Variants in FILIP1 observed in about 807,000 individuals in gnomAD.
FILIP1 encodes filamin-A-interacting protein 1.
FILIP1 carries 61 observed loss-of-function variants against 102.1 expected under a neutral mutation model. That is an observed-to-expected ratio of 0.60 (90% CI 0.49 to 0.74). FILIP1 has a LOEUF of 0.74. Among genes scored for constraint, FILIP1 ranks in the 30% least tolerant of loss-of-function variants. The pLI is 0.00. For synonymous variants in FILIP1, 491 were observed against 526.9 expected (o/e 0.93, Z 0.93); for missense variants, 1,314 against 1,441.2 (o/e 0.91, Z 1.43).
intron 1 of FILIP1, chr6:75,465,471 A>C (rs1779135510): frequency 1.0e-6 from 1 of 971,242 alleles, no homozygotes; most frequent in Non-Finnish European, 1.6e-6. Flanking sequence ...GGCAGAATTC[A>C]TATAGCATCA....
chr6:75,390,032 T>A (rs1292289879), intron 2 of FILIP1, among the ~76,000 whole-genome samples: 1 of 152,030 alleles, frequency 6.6e-6, no homozygotes, highest in African/African-American at 2.4e-5. Context: ...AAAATACAGG[T>A]CCATGGCTCC....
intron 3 of FILIP1, among the ~76,000 whole-genome samples, chr6:75,359,271 G>A (rs958816008): frequency 6.6e-6 from 1 of 152,128 alleles, no homozygotes. Context: ...CTCCCAAAGT[G>A]CTGGGATTAC....
intron 1 of FILIP1, among the ~76,000 whole-genome samples, chr6:75,448,297 A>G (rs1483641289): frequency 2.0e-5 from 3 of 152,162 alleles, no homozygotes; most frequent in Non-Finnish European, 4.4e-5. Flanking sequence ...AACAGCCTCT[A>G]CTAATAGGTG....
intron 6 of FILIP1, chr6:75,296,796 A>G (rs1171400626): frequency 1.3e-5 from 2 of 152,050 alleles, no homozygotes; most frequent in Non-Finnish European, 1.5e-5. Flanking sequence ...TATAAAAATA[A>G]ATTTAAACTA....
At chr6:75,319,397 G>T in intron 4 of FILIP1, 1 of 626,624 alleles carries the variant, frequency 1.6e-6, no homozygotes, top group African/African-American at 1.8e-5. Context: ...TGGAGTCCTT[G>T]AACTTCTTTT....
intron 4 of FILIP1, among the ~76,000 whole-genome samples, chr6:75,339,519 G>A (rs1437046510): frequency 6.6e-6 from 1 of 152,148 alleles, no homozygotes; most frequent in Non-Finnish European, 1.5e-5. Flanking sequence ...AGACTATTAG[G>A]CACAGCTCTT....
At chr6:75,434,160 T>G (rs1281667117) in intron 1 of FILIP1, among the ~76,000 whole-genome samples, 1 of 152,228 alleles carries the variant, frequency 6.6e-6, no homozygotes, top group East Asian at 1.9e-4. Context: ...TAGGATTGTC[T>G]TGGCAATGTG....
chr6:75,318,068 T>C (rs1015669859), intron 4 of FILIP1, among the ~76,000 whole-genome samples: 1 of 152,092 alleles, frequency 6.6e-6, no homozygotes, highest in African/African-American at 2.4e-5. Context: ...GCTTAGTATT[T>C]CCTCCCTGCT....
intron 6 of FILIP1, among the ~76,000 whole-genome samples, chr6:75,297,488 A>C (rs766929463): frequency 2.6e-5 from 4 of 152,132 alleles, no homozygotes; most frequent in Non-Finnish European, 2.9e-5. Flanking sequence ...TATACCTAAG[A>C]ATATTTAGCT....
intron 4 of FILIP1, among the ~76,000 whole-genome samples, chr6:75,347,813 C>T (rs139911451): frequency 1.9e-4 from 29 of 152,178 alleles, no homozygotes; most frequent in African/African-American, 6.5e-4. Flanking sequence ...GGAAGAATAC[C>T]AAAATGGGGC....
At chr6:75,306,809 G>C (rs557516099), downstream of FILIP1, among the ~76,000 whole-genome samples, 3 of 90,304 alleles carry the variant, frequency 3.3e-5, no homozygotes, top group East Asian at 8.4e-4. Flanking sequence ...CTGGAGTGCA[G>C]TGGCATGATC....
intron 1 of FILIP1, among the ~76,000 whole-genome samples, chr6:75,419,401 AT>A (rs1290866063): frequency 6.6e-6 from 1 of 152,036 alleles, no homozygotes; most frequent in Non-Finnish European, 1.5e-5. Context: ...TCCTGGTTTT[AT>A]TTTATCTATA....
At chr6:75,419,985 T>A in intron 1 of FILIP1, among the ~76,000 whole-genome samples, 1 of 152,142 alleles carries the variant, frequency 6.6e-6, no homozygotes, top group Non-Finnish European at 1.5e-5. Context: ...ATTACCTACA[T>A]TTATTAAATC....
At chr6:75,462,657 G>A (rs1485713637) in intron 1 of FILIP1, among the ~76,000 whole-genome samples, 3 of 151,912 alleles carry the variant, frequency 2.0e-5, no homozygotes, top group African/African-American at 7.3e-5. Flanking sequence ...TACAGCAGCT[G>A]CTTCAACAAA....
At chr6:75,328,237 G>C (rs1441062508) in intron 4 of FILIP1, among the ~76,000 whole-genome samples, 1 of 152,080 alleles carries the variant, frequency 6.6e-6, no homozygotes, top group East Asian at 1.9e-4. Flanking sequence ...TAAGTTTTAG[G>C]TTAGATAATG....
intron 1 of FILIP1, among the ~76,000 whole-genome samples, chr6:75,424,874 T>A (rs561077724): frequency 3.6e-4 from 55 of 152,304 alleles, no homozygotes; most frequent in African/African-American, 1.3e-3. Context: ...TGACTTCATG[T>A]GTTCTAATCG....
At position 75,372,728 on chromosome 6, in the gene FILIP1, G is replaced by GAGAAAGAA. The variant is rs71002736; in HGVS notation, c.277-9819_277-9812dup. Among the ~76,000 whole-genome samples the GAGAAAGAA allele has an allele frequency of 7.0e-3, 432 of 61,314 alleles. 3 individuals carry two copies. The highest frequency in any genetic ancestry group is 0.018 in the East Asian group (35 of 1,976). 40.2% of individuals were successfully genotyped at this position (61,314 alleles called of 152,430 possible). ...AAGAAAGAAAGGAAAGAAAGAGAAA[G>GAGAAAGAA]AGAAAGAAAGAAAGAAAGAAAGAAA... On this transcript the variant is annotated intron_variant, in intron 2 of 5. Coordinates refer to ENST00000237172, the MANE Select transcript of FILIP1 (RefSeq NM_015687.5).
intron 1 of FILIP1, among the ~76,000 whole-genome samples, chr6:75,484,136 A>T (rs1779720294): frequency 6.6e-6 from 1 of 152,102 alleles, no homozygotes; most frequent in Non-Finnish European, 1.5e-5. Context: ...CGGTCATAGA[A>T]AGGGACCCAG....
chr6:75,303,764 AG>A (rs1772906977), downstream of FILIP1, among the ~76,000 whole-genome samples: 1 of 152,004 alleles, frequency 6.6e-6, no homozygotes, highest in East Asian at 1.9e-4. Flanking sequence ...AGAGAGAGAG[AG>A]AGAGAGAAAG....
Sources: allele counts gnomAD v4.1 joint callset (sites outside exome capture counted in the v4.1 genomes callset), GRCh38; gene constraint gnomAD v4.1.1; transcripts MANE v1.5; gene names NCBI Gene and HGNC (gene_info 2026-07-23, HGNC 2026-07-21).